MCF2L: variants seen among roughly 807,000 people sequenced by gnomAD.
The protein encoded by MCF2L is guanine nucleotide exchange factor DBS.
Under a neutral mutation model 153.4 loss-of-function variants are expected in MCF2L, and 97 were observed. The ratio of observed to expected loss-of-function variants is 0.63; its 90% CI spans 0.54 to 0.75. MCF2L has a LOEUF of 0.75. Among genes scored for constraint, MCF2L ranks in the 30% least tolerant of loss-of-function variants. The probability of loss-of-function intolerance (pLI) is 0.00; values close to 1 mark genes in which losing one functional copy is unlikely to be tolerated. For missense variants in MCF2L, 1,347 were observed against 1,495.2 expected (o/e 0.90, Z 1.64); for synonymous variants, 659 against 632.2 (o/e 1.04, Z -0.64).
chr13:113,039,934 A>G (rs1283561751), intron 3 of MCF2L, among the ~76,000 whole-genome samples: 3 of 152,262 alleles, frequency 2.0e-5, no homozygotes, highest in Non-Finnish European at 4.4e-5. Context: ...GAAGACATGT[A>G]TAAGAAGCTC....
At chr13:113,005,412 G>A (rs1283365764) in intron 1 of MCF2L, among the ~76,000 whole-genome samples, 1 of 152,208 alleles carries the variant, frequency 6.6e-6, no homozygotes, top group Non-Finnish European at 1.5e-5. Context: ...AATGAAGTCT[G>A]GGGGTCTGTT....
At chr13:113,009,154 G>A (rs2083915046) in intron 1 of MCF2L, 1 of 152,294 alleles carries the variant, frequency 6.6e-6, no homozygotes, top group African/African-American at 2.4e-5. Context: ...CCCCCCACGT[G>A]GGAGTCCGCC....
intron 2 of MCF2L, among the ~76,000 whole-genome samples, chr13:112,959,703 T>C (rs1299176474): frequency 6.6e-6 from 1 of 152,208 alleles, no homozygotes; most frequent in East Asian, 1.9e-4. Context: ...GAATATCTGT[T>C]GGCAAGAGGG....
chr13:112,967,965 G>A (rs61963567), upstream of MCF2L: 1 of 193,478 alleles, frequency 5.2e-6, no homozygotes, highest in Non-Finnish European at 1.1e-5. Context: ...AATGGTGCAC[G>A]CATGCTCTGT....
chr13:112,976,682 C>T (rs2082225865), intron 1 of MCF2L, among the ~76,000 whole-genome samples: 3 of 152,250 alleles, frequency 2.0e-5, no homozygotes, highest in Admixed American at 2.0e-4. Flanking sequence ...GAGCCACGAC[C>T]TTCCCTGGCG....
chr13:112,909,344 C>T lies in MCF2L; in HGVS notation c.169+6973C>T, dbSNP rs903107586. On this transcript the variant is annotated intron_variant, in intron 2 of 29. Coordinates refer to the MCF2L transcript ENST00000375608. The stretch of plus-strand genomic sequence containing the variant: ...AGTACATCCTTCACCTCTGTGTCTA[C>T]AGACCCGGCCTCCCCGCCCAGCATG... 12 of 777,736 alleles carry T rather than the reference C, an allele frequency of 1.5e-5. No homozygotes were observed. The East Asian group carries it at 2.2e-4, about 14-fold the overall frequency. 48.2% of individuals were successfully genotyped at this position (777,736 alleles called of 1,614,324 possible). A position where few individuals can be genotyped will look rare whatever the true frequency, so the allele number is the denominator to read the frequency against.
At position 113,045,251 on chromosome 13, in the gene MCF2L, G is replaced by T. The variant is rs1283522539; in HGVS notation, c.279-20G>T. On this transcript the variant is annotated intron_variant, in intron 3 of 29. Coordinates refer to ENST00000535094, the MANE Select transcript of MCF2L (RefSeq NM_001112732.3). The surrounding 1 kb of genome is among the most constrained non-coding windows in gnomAD (Gnocchi z 4.2). ...TTCCCACCTGCACACATTAACGGCG[G>T]CGTCTCTTCCTCACTGCAGCCTGCA... 2.5e-6 allele frequency: 4 copies of T among 1,602,236 alleles called. No individual in the cohort carries two copies. In the East Asian group the frequency reaches 8.9e-5, roughly 36 times the overall value.
At chr13:113,055,672 C>T (rs370295529) in intron 4 of MCF2L, among the ~76,000 whole-genome samples, 11 of 152,190 alleles carry the variant, frequency 7.2e-5, no homozygotes, top group African/African-American at 2.4e-4. Flanking sequence ...GCTTGCTTCT[C>T]GAAGGAGGAC....
chr13:112,995,580 G>A (rs903723265), intron 1 of MCF2L, among the ~76,000 whole-genome samples: 2 of 152,192 alleles, frequency 1.3e-5, no homozygotes, highest in African/African-American at 4.8e-5. Flanking sequence ...AGCCTGCGGC[G>A]TTGTGGCTCC....
chr13:113,036,556 G>A (rs55974017), intron 3 of MCF2L, among the ~76,000 whole-genome samples: 2,185 of 152,292 alleles, frequency 0.014, 59 homozygotes, highest in African/African-American at 0.05. Flanking sequence ...GGAGGGCAAC[G>A]GCAGTGGTGG....
rs2081979981 is a variant in MCF2L at position 112,969,837 on chromosome 13, G to A, written c.79+379G>A. Among the ~76,000 whole-genome samples, 1 of 152,180 alleles carries A rather than the reference G, an allele frequency of 6.6e-6. No individual in the cohort carries two copies. Among genetic ancestry groups the A allele is most frequent in the African/African-American group, 2.4e-5 (1 of 41,436 alleles). On this transcript the variant is annotated intron_variant, in intron 1 of 29. Coordinates refer to ENST00000535094, the MANE Select transcript of MCF2L (RefSeq NM_001112732.3). This position sits in a 1 kb window ranked among gnomAD's most constrained non-coding sequence, Gnocchi z 4.8. ...TTCAGAGCTTGGGGTTTCAGAGCCA[G>A]GGGTAGGGATGGTGAAGCTACCTGG...
chr13:113,044,870 A>T (rs746099904), intron 3 of MCF2L: 12 of 1,612,926 alleles, frequency 7.4e-6, no homozygotes, highest in Middle Eastern at 1.6e-4. Context: ...GGCACCTCAG[A>T]TGCCAGGACC....
At chr13:113,010,701 C>T (rs11618867) in intron 1 of MCF2L, among the ~76,000 whole-genome samples, 7,021 of 151,744 alleles carry the variant, frequency 0.046, 218 homozygotes, top group Non-Finnish European at 0.071. Flanking sequence ...GAGGCCCTAA[C>T]CCTCCCCTCT....
At chr13:112,916,481 G>T (rs576278672) in intron 2 of MCF2L, among the ~76,000 whole-genome samples, 12 of 152,204 alleles carry the variant, frequency 7.9e-5, no homozygotes, top group East Asian at 1.9e-4. Flanking sequence ...CCGCACGTCC[G>T]CGCTCTCGCG....
intron 2 of MCF2L, chr13:112,957,339 T>G (rs1414737602): frequency 1.3e-5 from 2 of 152,260 alleles, no homozygotes; most frequent in African/African-American, 4.8e-5. Flanking sequence ...TGTGTGCTCA[T>G]CAGTCAGCAG....
At chr13:112,980,218 G>A (rs1465402766) in intron 1 of MCF2L, among the ~76,000 whole-genome samples, 2 of 152,252 alleles carry the variant, frequency 1.3e-5, no homozygotes, top group African/African-American at 4.8e-5. Flanking sequence ...GGAACAGCAC[G>A]TTTGCTCGGC....
At chr13:113,086,059 G>A (rs565786662) in intron 20 of MCF2L, 65 bp from the exon 21 acceptor site, 16 of 1,536,442 alleles carry the variant, frequency 1.0e-5, no homozygotes, top group South Asian at 1.0e-4. Flanking sequence ...CTCCTGAGGG[G>A]TCTGTTCCAG....
rs543904482 is a variant in MCF2L, at chr13:112,973,635, G to T, written c.79+4177G>T. Among the ~76,000 whole-genome samples the T allele has an allele frequency of 5.1e-4, 78 of 152,320 alleles. 1 individual carries two copies. The highest frequency in any genetic ancestry group is 1.9e-3 in the African/African-American group (78 of 41,570). ...TGGGTGAGTCTGACGCCCTCCATGC[G>T]AAGACGGCGCGAGCACGGCTTCACC... On this transcript the variant is annotated intron_variant, in intron 1 of 29. Coordinates refer to ENST00000535094, the MANE Select transcript of MCF2L (RefSeq NM_001112732.3).
chr13:112,924,134 A>G (rs3011486), intron 2 of MCF2L, among the ~76,000 whole-genome samples: 9,025 of 152,062 alleles, frequency 0.059, 320 homozygotes, highest in South Asian at 0.15. Flanking sequence ...ATACGCACAC[A>G]CATTATCCCC....
Sources: gnomAD v4.1 joint callset for allele counts (sites outside exome capture counted in the v4.1 genomes callset) on GRCh38, gnomAD v4.1.1 for gene constraint, Gnocchi (gnomAD v3.1) non-coding constraint, MANE v1.5 for transcripts, NCBI Gene and HGNC (gene_info 2026-07-23, HGNC 2026-07-21) for gene names.